DPY19L4: variants seen among roughly 807,000 people sequenced by gnomAD.
DPY19L4 encodes probable C-mannosyltransferase DPY19L4.
In DPY19L4, 97 loss-of-function variants were observed where a neutral mutation model predicts 102.8. That is an observed-to-expected ratio of 0.94 (90% confidence interval 0.80 to 1.12). DPY19L4 has a LOEUF of 1.12. Ranked by LOEUF, DPY19L4 falls within the 50% of genes most tolerant of loss-of-function variation. The probability of loss-of-function intolerance (pLI) is 0.00; values close to 1 mark genes in which losing one functional copy is unlikely to be tolerated. For synonymous variants in DPY19L4, 252 were observed against 283.1 expected (o/e 0.89, Z 1.10); for missense variants, 815 against 850.4 (o/e 0.96, Z 0.52).
chr8:94,724,597 G>A lies in DPY19L4; in HGVS notation c.17-1734G>A, dbSNP rs111371196. The stretch of plus-strand genomic sequence containing the variant: ...TTTTTTGTTTTTTTTGTTTTGTTTC[G>A]TTTTGTTTTTGAGACGGAGTCTCCC... On this transcript the variant is annotated intron_variant, in intron 1 of 18. Coordinates refer to ENST00000414645, the MANE Select transcript of DPY19L4 (RefSeq NM_181787.3). Among the ~76,000 whole-genome samples the A allele has an allele frequency of 4.0e-3, 600 of 151,858 alleles. 7 individuals are homozygous for A. Among genetic ancestry groups the A allele is most frequent in the African/African-American group, 0.013 (543 of 41,452 alleles).
chr8:94,725,482 C>G (rs1056989350), intron 1 of DPY19L4, among the ~76,000 whole-genome samples: 1 of 152,146 alleles, frequency 6.6e-6, no homozygotes, highest in African/African-American at 2.4e-5. Context: ...TATTTTGAGA[C>G]CTTCTCATAT....
chr8:94,724,011 CAA>C (rs1299413929), intron 1 of DPY19L4, among the ~76,000 whole-genome samples: 8 of 152,060 alleles, frequency 5.3e-5, no homozygotes, highest in Admixed American at 3.9e-4. Context: ...TTTATGGACA[CAA>C]AGAGAACATG....
intron 2 of DPY19L4, among the ~76,000 whole-genome samples, chr8:94,729,438 GA>G (rs1041102466): frequency 7.9e-4 from 101 of 127,862 alleles, no homozygotes; most frequent in African/African-American, 1.7e-3. Context: ...CAAAAAATCA[GA>G]AAAAAAAAAA....
At chr8:94,771,119 A>G (rs1812914547) in intron 13 of DPY19L4, among the ~76,000 whole-genome samples, 2 of 151,954 alleles carry the variant, frequency 1.3e-5, no homozygotes, top group African/African-American at 4.8e-5. Context: ...GTTTCACCAC[A>G]TTGGTCAGGC....
intron 18 of DPY19L4, 95 bp from the exon 19 acceptor site, chr8:94,789,651 G>T: frequency 8.8e-7 from 1 of 1,138,378 alleles, no homozygotes; most frequent in African/African-American, 1.6e-5. Context: ...GCAATAATGT[G>T]TTTTTTCATA....
At chr8:94,769,390 G>C (rs529510118) in intron 12 of DPY19L4, among the ~76,000 whole-genome samples, 1 of 151,902 alleles carries the variant, frequency 6.6e-6, no homozygotes, top group African/African-American at 2.4e-5. Context: ...ATCTAAATAG[G>C]TAATGTCCAG....
intron 6 of DPY19L4, among the ~76,000 whole-genome samples, chr8:94,751,161 C>G (rs1258458762): frequency 4.7e-5 from 7 of 149,970 alleles, no homozygotes; most frequent in Non-Finnish European, 7.4e-5. Flanking sequence ...CTCTGTTGCC[C>G]AGGCTGGAGT....
intron 1 of DPY19L4, 105 bp downstream of exon 1, chr8:94,720,119 G>C: frequency 2.2e-6 from 3 of 1,394,118 alleles, no homozygotes; most frequent in Non-Finnish European, 2.8e-6. Context: ...CCGCGGTCGC[G>C]GTGGCGGCCG....
intron 7 of DPY19L4, among the ~76,000 whole-genome samples, chr8:94,761,072 T>C (rs1481650623): frequency 6.6e-6 from 1 of 152,112 alleles, no homozygotes; most frequent in African/African-American, 2.4e-5. Context: ...CTTAGGAAAA[T>C]AAGTTCTGAA....
At chr8:94,752,138 C>T (rs79780491) in intron 6 of DPY19L4, among the ~76,000 whole-genome samples, 2,001 of 152,148 alleles carry the variant, frequency 0.013, 44 homozygotes, top group African/African-American at 0.046. Context: ...CTAAAGTGAT[C>T]GTACCATTCT....
chr8:94,723,634 G>C (rs888824385), intron 1 of DPY19L4, among the ~76,000 whole-genome samples: 2 of 152,122 alleles, frequency 1.3e-5, no homozygotes, highest in African/African-American at 4.8e-5. Flanking sequence ...TGAAAAGTTA[G>C]CTTTAGGGAT....
At chr8:94,735,368 C>T (rs899282287) in intron 3 of DPY19L4, among the ~76,000 whole-genome samples, 1 of 152,142 alleles carries the variant, frequency 6.6e-6, no homozygotes, top group African/African-American at 2.4e-5. Flanking sequence ...GTCAAGCTGA[C>T]TGAGTATTTT....
chr8:94,770,609 G>A (rs1266666383), intron 13 of DPY19L4, 38 bp downstream of exon 13: 1 of 1,607,718 alleles, frequency 6.2e-7, no homozygotes, highest in African/African-American at 1.3e-5. Flanking sequence ...TTTTAACAAA[G>A]ATTGTTGGCT....
At chr8:94,739,570 C>A in intron 5 of DPY19L4, 36 bp downstream of exon 5, 1 of 1,597,518 alleles carries the variant, frequency 6.3e-7, no homozygotes, top group Non-Finnish European at 8.5e-7. Flanking sequence ...TATTTATTTT[C>A]TCATGTATTC....
At chr8:94,763,488 G>A (rs1812490430) in intron 8 of DPY19L4, among the ~76,000 whole-genome samples, 3 of 146,926 alleles carry the variant, frequency 2.0e-5, no homozygotes, top group South Asian at 4.4e-4. Context: ...CTACAAGTGC[G>A]TGCCACCATG....
At position 94,726,329 on chromosome 8, in the gene DPY19L4, A is replaced by C; in HGVS notation, c.17-2A>C. ...TTGCAATAATGTCTTAAATATTTTA[A>C]GGACCACCTGTAGAGCTGCGCCAAA... On this transcript the variant is annotated splice_acceptor_variant, in intron 1 of 18. Transcript: ENST00000414645. LOFTEE classifies it high-confidence loss of function. The C allele has an allele frequency of 1.9e-6, 3 of 1,591,830 alleles. No homozygotes were observed. Among genetic ancestry groups the C allele is most frequent in the Non-Finnish European group, 2.6e-6 (3 of 1,174,188 alleles).
chr8:94,732,645 A>G (rs1345392888), intron 2 of DPY19L4, among the ~76,000 whole-genome samples: 1 of 152,154 alleles, frequency 6.6e-6, no homozygotes, highest in Non-Finnish European at 1.5e-5. Context: ...ACATGGCTTT[A>G]GGTTTATAGT....
intron 6 of DPY19L4, among the ~76,000 whole-genome samples, chr8:94,754,926 C>T (rs1162985701): frequency 2.0e-5 from 3 of 152,138 alleles, no homozygotes; most frequent in Non-Finnish European, 4.4e-5. Flanking sequence ...GTAGCTGGTA[C>T]TACAGGCACG....
chr8:94,736,600 A>G (rs968854653), intron 3 of DPY19L4, among the ~76,000 whole-genome samples: 1 of 152,222 alleles, frequency 6.6e-6, no homozygotes, highest in African/African-American at 2.4e-5. Flanking sequence ...TTAAAAGATT[A>G]TAGATTCATA....
Sources: gnomAD v4.1 joint callset for allele counts (sites outside exome capture counted in the v4.1 genomes callset) on GRCh38, gnomAD v4.1.1 for gene constraint, MANE v1.5 for transcripts, NCBI Gene and HGNC (gene_info 2026-07-23, HGNC 2026-07-21) for gene names.